The following AGAP1 variants were observed in gnomAD, a reference collection of about 807,000 sequenced individuals.
The protein encoded by AGAP1 is ArfGAP with GTPase domain, ankyrin repeat and PH domain 1.
AGAP1 carries 29 observed loss-of-function variants against 105.3 expected under a neutral mutation model. That is an observed-to-expected ratio of 0.28 (90% CI 0.21 to 0.38). AGAP1 has a LOEUF of 0.38. Ranked by LOEUF, AGAP1 falls within the 10% of genes least tolerant of loss-of-function variation. The probability of loss-of-function intolerance (pLI) is 1.00; values close to 1 mark genes in which losing one functional copy is unlikely to be tolerated. For missense variants in AGAP1, 998 were observed against 1,165.1 expected (o/e 0.86, Z 2.09); for synonymous variants, 509 against 485.9 (o/e 1.05, Z -0.63).
rs1011948279 is a variant in AGAP1, at chr2:235,855,239, G to A, written c.1051-28106G>A. On this transcript the variant is annotated intron_variant, in intron 9 of 17. Coordinates refer to ENST00000304032, the MANE Select transcript of AGAP1 (RefSeq NM_001037131.3). The surrounding 1 kb of genome is among the most constrained non-coding windows in gnomAD (Gnocchi z 5.0). The stretch of plus-strand genomic sequence containing the variant: ...TGGGGTGGCGCACGGAAATGGAAGC[G>A]TGAGGTCATCCCTGTGATCAGTAAC... Among the ~76,000 whole-genome samples, 5 of 152,176 alleles carry A rather than the reference G, an allele frequency of 3.3e-5. No homozygotes were observed. Among genetic ancestry groups the A allele is most frequent in the African/African-American group, 4.8e-5 (2 of 41,446 alleles).
chr2:235,878,069 A>C (rs573372142), intron 9 of AGAP1, among the ~76,000 whole-genome samples: 2 of 152,282 alleles, frequency 1.3e-5, no homozygotes, highest in Non-Finnish European at 2.9e-5. Flanking sequence ...GAAACCCGAG[A>C]GTGTGGCCTC....
chr2:235,917,048 C>G (rs1449908325), intron 11 of AGAP1, among the ~76,000 whole-genome samples: 2 of 152,068 alleles, frequency 1.3e-5, no homozygotes, highest in African/African-American at 4.8e-5. Flanking sequence ...TGACAGATAC[C>G]TTCTTGTCTC....
chr2:235,770,546 G>A (rs1955361161), intron 6 of AGAP1, among the ~76,000 whole-genome samples: 1 of 152,130 alleles, frequency 6.6e-6, no homozygotes, highest in Non-Finnish European at 1.5e-5. Context: ...TCAAGTGGGG[G>A]CTCCGGAGGG....
chr2:235,952,301 G>A (rs527812202), intron 12 of AGAP1, among the ~76,000 whole-genome samples: 6 of 152,128 alleles, frequency 3.9e-5, no homozygotes, highest in African/African-American at 1.4e-4. Context: ...AAAACAGCAG[G>A]AGAGAAAAAT....
chr2:235,707,869 GCTCCCCAGCATGTGACCTGGTGAGATGCA>G (rs1274511833), intron 1 of AGAP1, among the ~76,000 whole-genome samples: 5 of 149,074 alleles, frequency 3.4e-5, no homozygotes, highest in African/African-American at 1.0e-4. Flanking sequence ...GGTAGGACAT[GCTCCCCAGCATGTGACCTGGTGAGATGCA>G]CTCCCCAGCC....
intron 1 of AGAP1, among the ~76,000 whole-genome samples, chr2:235,682,663 T>C (rs1949142745): frequency 6.6e-6 from 1 of 152,154 alleles, no homozygotes; most frequent in African/African-American, 2.4e-5. Flanking sequence ...TGATTTTGCT[T>C]CTAGATTTGT....
At position 235,605,115 on chromosome 2, in the gene AGAP1, C is replaced by T. The variant is rs1184466643; in HGVS notation, c.164-104064C>T. 3.3e-5 allele frequency among the ~76,000 whole-genome samples: 5 copies of T among 152,046 alleles called. No homozygotes were observed. The South Asian group carries it at 6.2e-4, about 19-fold the overall frequency. On this transcript the variant is annotated intron_variant, in intron 1 of 17. Transcript: ENST00000304032. ...CTGGTCTCAAACTCCTGACCTCAAG[C>T]GATCCGCCTGCCTCTGCCTCCGAAA... is the stretch of plus-strand genomic sequence containing the variant.
intron 1 of AGAP1, among the ~76,000 whole-genome samples, chr2:235,657,180 C>G (rs1947800584): frequency 6.6e-6 from 1 of 152,160 alleles, no homozygotes; most frequent in Non-Finnish European, 1.5e-5. Flanking sequence ...TTGTCTCTCT[C>G]AATCCTGAGT....
chr2:235,501,300 G>A (rs762793008), intron 1 of AGAP1, among the ~76,000 whole-genome samples: 1 of 152,086 alleles, frequency 6.6e-6, no homozygotes, highest in Non-Finnish European at 1.5e-5. Flanking sequence ...GTGGTTTTGC[G>A]GATTTTCCTT....
In AGAP1 at chr2:235,763,035, G is replaced by GGTGTGTGTGTGTGTGTGTGT. The variant is rs145122803; in HGVS notation, c.673+12563_673+12564insGTGTGTGTGTGTGTGTGTGT. Among the ~76,000 whole-genome samples, 292 of 140,066 alleles carry GGTGTGTGTGTGTGTGTGTGT rather than the reference G, an allele frequency of 2.1e-3. 4 individuals carry two copies. The highest frequency in any genetic ancestry group is 7.2e-3 in the African/African-American group (279 of 38,778). 91.9% of individuals were successfully genotyped at this position (140,066 alleles called of 152,430 possible). On this transcript the variant is annotated intron_variant, in intron 6 of 17. Coordinates refer to ENST00000304032, the MANE Select transcript of AGAP1 (RefSeq NM_001037131.3). ...CGGGGGCAATGATTGTTAAGGCTCG[G>GGTGTGTGTGTGTGTGTGTGT]GTGTGTGTGTGTGTGTATGTGTGCG...
Position 235,569,022 on chromosome 2 carries a change from A to G in AGAP1, c.163+74173A>G, listed in dbSNP as rs934983733. Among the ~76,000 whole-genome samples the G allele has an allele frequency of 1.3e-5, 2 of 152,256 alleles. No individual in the cohort carries two copies. The highest frequency in any genetic ancestry group is 4.8e-5 in the African/African-American group (2 of 41,464). On this transcript the variant is annotated intron_variant, in intron 1 of 17. Transcript: ENST00000304032. The surrounding 1 kb of genome is among the most constrained non-coding windows in gnomAD (Gnocchi z 5.9). Reference sequence around the variant, plus strand: ...TCACACCAGCAAAGTTCCTTTTGCCATATAAGGATATGGCAGCGTATTCAT... The same window carrying G: ...TCACACCAGCAAAGTTCCTTTTGCCGTATAAGGATATGGCAGCGTATTCAT...
chr2:235,742,089 G>A (rs577453337), intron 4 of AGAP1, among the ~76,000 whole-genome samples: 1 of 152,280 alleles, frequency 6.6e-6, no homozygotes, highest in Admixed American at 6.5e-5. Flanking sequence ...AGCTGGTAAC[G>A]GCTAGTGACC....
intron 9 of AGAP1, chr2:235,853,266 C>T (rs2048555668): frequency 3.1e-6 from 3 of 974,746 alleles, no homozygotes; most frequent in East Asian, 1.1e-4. Flanking sequence ...AATGGCTCCC[C>T]CTACTCTGCT....
rs1046332558 is a variant in AGAP1 at position 235,614,413 on chromosome 2, G to A, written c.164-94766G>A. Among the ~76,000 whole-genome samples, 16 of 152,166 alleles carry A rather than the reference G, an allele frequency of 1.1e-4. No homozygotes were observed. Among genetic ancestry groups the A allele is most frequent in the Non-Finnish European group, 1.3e-4 (9 of 68,038 alleles). ...GAGTGTGTGTCATCCCAGAGGAGCAGCAGCAAACGGCCTGTGATGGGCTGG... is the reference window on the plus strand; with the variant it reads ...GAGTGTGTGTCATCCCAGAGGAGCAACAGCAAACGGCCTGTGATGGGCTGG... On this transcript the variant is annotated intron_variant, in intron 1 of 17. Coordinates refer to ENST00000304032, the MANE Select transcript of AGAP1 (RefSeq NM_001037131.3). The surrounding 1 kb of genome is among the most constrained non-coding windows in gnomAD (Gnocchi z 4.7).
rs2051286481 is a variant in AGAP1, at chr2:235,905,992, C to A, written c.1156-2746C>A. Among the ~76,000 whole-genome samples, 1 of 152,290 alleles carries A rather than the reference C, an allele frequency of 6.6e-6. No homozygotes were observed. Among genetic ancestry groups the A allele is most frequent in the Admixed American group, 6.5e-5 (1 of 15,310 alleles). On this transcript the variant is annotated intron_variant, in intron 10 of 17. Transcript: ENST00000304032. This position sits in a 1 kb window ranked among gnomAD's most constrained non-coding sequence, Gnocchi z 4.2. ...CAGCATCTCAACTTCCAAGTGGAAT[C>A]CCTTTCGGGGGCTGGTGAAGTCAGA...
intron 9 of AGAP1, among the ~76,000 whole-genome samples, chr2:235,861,963 G>T (rs563074646): frequency 6.6e-6 from 1 of 152,186 alleles, no homozygotes; most frequent in Non-Finnish European, 1.5e-5. Context: ...CCTGCCCCGT[G>T]GGGTTCCTGA....
intron 9 of AGAP1, among the ~76,000 whole-genome samples, chr2:235,876,907 G>C (rs1261009415): frequency 6.6e-6 from 1 of 150,608 alleles, no homozygotes; most frequent in African/African-American, 2.4e-5. Context: ...GAGTGCAATG[G>C]CGCAATCTTG....
At position 235,623,093 on chromosome 2, in the gene AGAP1, C is replaced by A. The variant is rs560425080; in HGVS notation, c.164-86086C>A. ...GGGAATAGATGTCTCTCATGCAGCT[C>A]ATTTTCCAGTGGATTGCCTGATGTT... On this transcript the variant is annotated intron_variant, in intron 1 of 17. Coordinates refer to ENST00000304032, the MANE Select transcript of AGAP1 (RefSeq NM_001037131.3). The surrounding 1 kb of genome is among the most constrained non-coding windows in gnomAD (Gnocchi z 4.5). 1.1e-4 allele frequency among the ~76,000 whole-genome samples: 16 copies of A among 152,332 alleles called. No homozygotes were observed. The highest frequency in any genetic ancestry group is 9.1e-4 in the Admixed American group (14 of 15,306).
At chr2:235,910,044 A>G (rs1487698852) in intron 11 of AGAP1, among the ~76,000 whole-genome samples, 2 of 151,968 alleles carry the variant, frequency 1.3e-5, no homozygotes, top group African/African-American at 4.8e-5. Flanking sequence ...TTTCTCTCCT[A>G]TGAGAGTTTC....
Sources: allele counts gnomAD v4.1 joint callset (sites outside exome capture counted in the v4.1 genomes callset), GRCh38; gene constraint gnomAD v4.1.1; non-coding constraint Gnocchi (gnomAD v3.1); transcripts MANE v1.5; gene names NCBI Gene and HGNC (gene_info 2026-07-23, HGNC 2026-07-21).